The following NR3C1 variants were observed in gnomAD, a reference collection of about 807,000 sequenced individuals.
NR3C1 encodes glucocorticoid receptor.
NR3C1 carries 14 observed loss-of-function variants against 74.0 expected under a neutral mutation model. The ratio of observed to expected loss-of-function variants is 0.19; its 90% confidence interval spans 0.12 to 0.30. The LOEUF is 0.30. NR3C1 is among the 10% of genes least tolerant of loss of function. The pLI, the probability that NR3C1 is intolerant of heterozygous loss-of-function variation, is 1.00. For missense variants in NR3C1, 695 were observed against 909.8 expected (o/e 0.76, Z 3.04); for synonymous variants, 308 against 332.5 (o/e 0.93, Z 0.80).
rs540229725 is a variant in NR3C1, at chr5:143,358,628, G to A, written c.1184+41028C>T. ...TTAAAAAATTAAATCTTGGCCGGGC[G>A]CGGTGGCTCACGCCTGTAATCCCAG... is the stretch of plus-strand genomic sequence containing the variant. On this transcript the variant is annotated intron_variant, in intron 2 of 8. Transcript: ENST00000394464. 7.9e-5 allele frequency among the ~76,000 whole-genome samples: 12 copies of A among 152,118 alleles called. No individual in the cohort carries two copies. In the East Asian group the frequency reaches 1.9e-3, roughly 24 times the overall value.
intron 2 of NR3C1, among the ~76,000 whole-genome samples, chr5:143,331,740 C>T (rs1825984320): frequency 6.6e-6 from 1 of 152,108 alleles, no homozygotes; most frequent in South Asian, 2.1e-4. Flanking sequence ...ACATTGAGTA[C>T]ACAGGGACAC....
chr5:143,388,370 A>G (rs1042034483), intron 2 of NR3C1, among the ~76,000 whole-genome samples: 2 of 152,242 alleles, frequency 1.3e-5, no homozygotes, highest in African/African-American at 4.8e-5. Context: ...GAGAAAGATT[A>G]GAAATATAAT....
At chr5:143,409,727 A>G (rs549527677) in intron 1 of NR3C1, among the ~76,000 whole-genome samples, 3 of 152,316 alleles carry the variant, frequency 2.0e-5, no homozygotes, top group African/African-American at 7.2e-5. Context: ...ATTATAAACA[A>G]TTCACACTAG....
chr5:143,424,781 G>A (rs1751444008), intron 1 of NR3C1, among the ~76,000 whole-genome samples: 1 of 152,112 alleles, frequency 6.6e-6, no homozygotes, highest in Non-Finnish European at 1.5e-5. Flanking sequence ...TTAGAATAGA[G>A]ATGAAATCAA....
chr5:143,414,644 C>T (rs61757439), intron 1 of NR3C1, among the ~76,000 whole-genome samples: 2,621 of 152,162 alleles, frequency 0.017, 74 homozygotes, highest in African/African-American at 0.056. Context: ...AGTTTATAAT[C>T]ACTCAGTTTT....
In NR3C1 at chr5:143,300,280, T is replaced by G. The variant is rs190049999; in HGVS notation, c.1747+205A>C. 7.9e-5 allele frequency among the ~76,000 whole-genome samples: 12 copies of G among 152,334 alleles called. No individual in the cohort carries two copies. The East Asian group carries it at 2.3e-3, about 29-fold the overall frequency. On this transcript the variant is annotated intron_variant, in intron 5 of 8. Transcript: ENST00000394464. The surrounding 1 kb of genome is among the most constrained non-coding windows in gnomAD (Gnocchi z 5.2). ...CTATGTGAAATTACCATCCTGTGCATAATGATTTGAAAAGCAGGGAGTAAT... is the reference window on the plus strand; with the variant it reads ...CTATGTGAAATTACCATCCTGTGCAGAATGATTTGAAAAGCAGGGAGTAAT...
intron 2 of NR3C1, among the ~76,000 whole-genome samples, chr5:143,318,623 G>A (rs1822676506): frequency 6.6e-6 from 1 of 152,070 alleles, no homozygotes; most frequent in Non-Finnish European, 1.5e-5. Context: ...AATACTTTAA[G>A]TTGTTTTCCT....
rs9324920 is a variant in NR3C1 at position 143,387,761 on chromosome 5, T to C, written c.1184+11895A>G. On this transcript the variant is annotated intron_variant, in intron 2 of 8. Transcript: ENST00000394464. ...CTTATCCTACCAACCTCCTGACTGT[T>C]ATATACTATAGACAGAATAAGTCAA... 4.2e-3 allele frequency among the ~76,000 whole-genome samples: 640 copies of C among 152,304 alleles called. 2 individuals carry two copies. The highest frequency in any genetic ancestry group is 0.015 in the African/African-American group (614 of 41,574).
chr5:143,348,487 T>C (rs1381868658), intron 2 of NR3C1, among the ~76,000 whole-genome samples: 1 of 152,146 alleles, frequency 6.6e-6, no homozygotes, highest in Non-Finnish European at 1.5e-5. Flanking sequence ...GATATGCATG[T>C]TCCCAGCTGA....
intron 1 of NR3C1, among the ~76,000 whole-genome samples, chr5:143,423,950 G>A (rs376483687): frequency 6.6e-6 from 1 of 151,302 alleles, no homozygotes; most frequent in African/African-American, 2.4e-5. Context: ...GGGTAGTGGG[G>A]AGGGGGGATA....
intron 2 of NR3C1, among the ~76,000 whole-genome samples, chr5:143,358,027 T>C (rs971486604): frequency 1.3e-5 from 2 of 152,248 alleles, no homozygotes; most frequent in African/African-American, 2.4e-5. Context: ...AGTTCTTTCA[T>C]CTGAAAACAG....
At chr5:143,344,544 T>C (rs577774982) in intron 2 of NR3C1, among the ~76,000 whole-genome samples, 1 of 152,272 alleles carries the variant, frequency 6.6e-6, no homozygotes, top group African/African-American at 2.4e-5. Context: ...TGAATAATGT[T>C]TTGTTCAACA....
chr5:143,297,708 T>C (rs1046995351), intron 6 of NR3C1, among the ~76,000 whole-genome samples: 5 of 152,302 alleles, frequency 3.3e-5, no homozygotes, highest in Non-Finnish European at 5.9e-5. Context: ...ATTGTACTAA[T>C]AGCAATAAGC....
At chr5:143,303,809 A>G (rs538963727) in intron 4 of NR3C1, among the ~76,000 whole-genome samples, 4 of 152,264 alleles carry the variant, frequency 2.6e-5, no homozygotes, top group African/African-American at 9.6e-5. Flanking sequence ...GATTCACCAC[A>G]TAACAAAAAA....
chr5:143,376,778 T>C (rs541184557), intron 2 of NR3C1, among the ~76,000 whole-genome samples: 4 of 152,188 alleles, frequency 2.6e-5, no homozygotes, highest in Non-Finnish European at 4.4e-5. Context: ...AAATCCGTAT[T>C]TTTCTTACTG....
intron 7 of NR3C1, among the ~76,000 whole-genome samples, chr5:143,286,342 G>C (rs905970710): frequency 1.3e-5 from 2 of 152,066 alleles, no homozygotes; most frequent in African/African-American, 4.8e-5. Context: ...CATGGATTTA[G>C]ATGCAAAAAT....
intron 1 of NR3C1, among the ~76,000 whole-genome samples, chr5:143,433,469 T>TTTATTTAAATTATATATAGATATATAG (rs1751966820): frequency 7.5e-6 from 1 of 132,922 alleles, no homozygotes. Flanking sequence ...TATATATATA[T>TTTATTTAAATTATATATAGATATATAG]ATTTAATTTC....
rs192989524 is a variant in NR3C1, at chr5:143,286,930, G to C, written c.2024-4205C>G. 2.7e-5 allele frequency among the ~76,000 whole-genome samples: 4 copies of C among 150,524 alleles called. No individual in the cohort carries two copies. In the East Asian group the frequency reaches 7.9e-4, roughly 30 times the overall value. On this transcript the variant is annotated intron_variant, in intron 7 of 8. Transcript: ENST00000394464. Reference sequence around the variant, plus strand: ...CTTCAATGTACCTCCTACCTCAGTGGAATTAAATTAGAAATGAATAGGAAG... The same window carrying C: ...CTTCAATGTACCTCCTACCTCAGTGCAATTAAATTAGAAATGAATAGGAAG...
intron 7 of NR3C1, among the ~76,000 whole-genome samples, chr5:143,288,127 T>G (rs1226708251): frequency 6.6e-6 from 1 of 151,980 alleles, no homozygotes; most frequent in African/African-American, 2.4e-5. Context: ...AATTTTTTTT[T>G]TTTTTTTTGG....
Sources: allele counts gnomAD v4.1 joint callset (sites outside exome capture counted in the v4.1 genomes callset), GRCh38; gene constraint gnomAD v4.1.1; non-coding constraint Gnocchi (gnomAD v3.1); transcripts MANE v1.5; gene names NCBI Gene and HGNC (gene_info 2026-07-23, HGNC 2026-07-21).